The following DERA variants were observed in gnomAD, a reference collection of about 807,000 sequenced individuals.
The protein encoded by DERA is deoxyribose-phosphate aldolase, also known as 2-deoxy-D-ribose 5-phosphate aldolase.
Under a neutral mutation model 41.1 loss-of-function variants are expected in DERA, and 15 were observed. The ratio of observed to expected loss-of-function variants is 0.37; its 90% CI spans 0.24 to 0.56. DERA has a LOEUF of 0.56. Ranked by LOEUF, DERA falls within the 20% of genes least tolerant of loss-of-function variation. The pLI is 0.81. For missense variants in DERA, 396 were observed against 403.4 expected (o/e 0.98, Z 0.16); for synonymous variants, 139 against 137.4 (o/e 1.01, Z -0.08).
At chr12:15,947,425 C>T (rs530479783) in intron 1 of DERA, among the ~76,000 whole-genome samples, 12 of 152,260 alleles carry the variant, frequency 7.9e-5, no homozygotes, top group African/African-American at 2.6e-4. Context: ...GGGTAGTTAG[C>T]TCTTCTTGTT....
chr12:15,959,422 C>T lies in DERA; in HGVS notation c.278-407C>T, dbSNP rs944823279. Among the ~76,000 whole-genome samples, 1 of 152,118 alleles carries T rather than the reference C, an allele frequency of 6.6e-6. No individual in the cohort carries two copies. The highest frequency in any genetic ancestry group is 1.5e-5 in the Non-Finnish European group (1 of 68,010). On this transcript the variant is annotated intron_variant, in intron 3 of 8. Transcript: ENST00000428559. The surrounding 1 kb of genome is among the most constrained non-coding windows in gnomAD (Gnocchi z 4.5). The stretch of plus-strand genomic sequence containing the variant: ...TTGTGGTACCACCCTCTAAATTGTA[C>T]TTATATTTGTCTTCATCTGTCCTTC...
At position 16,010,279 on chromosome 12, in the gene DERA, T is replaced by A. The variant is rs1235635104; in HGVS notation, c.638-22263T>A. 1.3e-5 allele frequency among the ~76,000 whole-genome samples: 2 copies of A among 152,214 alleles called. No individual in the cohort carries two copies. The highest frequency in any genetic ancestry group is 2.9e-5 in the Non-Finnish European group (2 of 68,040). On this transcript the variant is annotated intron_variant, in intron 6 of 8. Transcript: ENST00000428559. The surrounding 1 kb of genome is among the most constrained non-coding windows in gnomAD (Gnocchi z 5.5). ...TGCATGCTTAGTATTAATGCATGAC[T>A]TCTGCAGAGTCTAGGTCAGGACCAT...
At position 15,956,709 on chromosome 12, in the gene DERA, T is replaced by C. The variant is rs1258950990; in HGVS notation, c.32-227T>C. On this transcript the variant is annotated intron_variant, in intron 1 of 8. Transcript: ENST00000428559. Reference sequence around the variant, plus strand: ...TAGGCTGGTACAGAAGCAATTGTGGTTTTTGCCTTTGAAAGTAATGGAGTG... The same window carrying C: ...TAGGCTGGTACAGAAGCAATTGTGGCTTTTGCCTTTGAAAGTAATGGAGTG... 20 of 586,752 alleles carry C rather than the reference T, an allele frequency of 3.4e-5. No individual in the cohort carries two copies. In the Admixed American group the frequency reaches 4.3e-4, roughly 12 times the overall value. The allele number at this position is 586,752 out of a possible 1,614,324, so 36.3% of individuals were successfully genotyped here. A position where few individuals can be genotyped will look rare whatever the true frequency, so the allele number is the denominator to read the frequency against.
At chr12:15,952,803 A>G (rs1948508484) in intron 1 of DERA, among the ~76,000 whole-genome samples, 1 of 152,244 alleles carries the variant, frequency 6.6e-6, no homozygotes, top group South Asian at 2.1e-4. Context: ...CCTGGTGCTT[A>G]CAGCACTTTA....
At chr12:15,974,825 TC>T (rs1948686505) in intron 5 of DERA, among the ~76,000 whole-genome samples, 2 of 152,152 alleles carry the variant, frequency 1.3e-5, no homozygotes, top group African/African-American at 4.8e-5. Flanking sequence ...CATTACCAAA[TC>T]TGGGCATGAT....
intron 6 of DERA, among the ~76,000 whole-genome samples, chr12:16,025,431 G>A (rs1462851565): frequency 6.6e-6 from 1 of 152,008 alleles, no homozygotes; most frequent in Non-Finnish European, 1.5e-5. Context: ...GCGGACTTCA[G>A]AAAAAGGAAC....
At chr12:15,927,053 A>G (rs747246562) in intron 1 of DERA, among the ~76,000 whole-genome samples, 7 of 152,236 alleles carry the variant, frequency 4.6e-5, no homozygotes, top group African/African-American at 7.2e-5. Context: ...ACTATCTGCT[A>G]TGTCTATCAT....
chr12:15,977,562 C>G (rs1355077030), intron 5 of DERA, among the ~76,000 whole-genome samples: 1 of 152,234 alleles, frequency 6.6e-6, no homozygotes, highest in Non-Finnish European at 1.5e-5. Context: ...AAGTGATTCT[C>G]CTGCCTCAGC....
At position 16,012,710 on chromosome 12, in the gene DERA, T is replaced by C. The variant is rs891167209; in HGVS notation, c.638-19832T>C. Among the ~76,000 whole-genome samples the C allele has an allele frequency of 6.6e-6, 1 of 152,182 alleles. No homozygotes were observed. Among genetic ancestry groups the C allele is most frequent in the African/African-American group, 2.4e-5 (1 of 41,444 alleles). On this transcript the variant is annotated intron_variant, in intron 6 of 8. Transcript: ENST00000428559. The surrounding 1 kb of genome is among the most constrained non-coding windows in gnomAD (Gnocchi z 4.1). ...GATATTGGTGTAAAATGGTGTCAAA[T>C]TGTTAACCTACAGAGTGATTACATG...
intron 1 of DERA, among the ~76,000 whole-genome samples, chr12:15,942,806 G>A (rs924403138): frequency 4.6e-5 from 7 of 152,336 alleles, no homozygotes; most frequent in African/African-American, 7.2e-5. Context: ...GCTGGAGACC[G>A]TGAGAGAAGA....
intron 1 of DERA, among the ~76,000 whole-genome samples, chr12:15,949,845 T>C (rs1948483764): frequency 6.6e-6 from 1 of 152,194 alleles, no homozygotes. Flanking sequence ...TGGAACCACC[T>C]ACCTGTTTCT....
intron 6 of DERA, among the ~76,000 whole-genome samples, chr12:15,997,655 C>G (rs918947421): frequency 1.5e-4 from 23 of 152,020 alleles, no homozygotes; most frequent in Non-Finnish European, 2.9e-5. Flanking sequence ...ACTTTTTTCT[C>G]TTTTTAAATT....
At chr12:15,946,303 C>G (rs372794433) in intron 1 of DERA, among the ~76,000 whole-genome samples, 2 of 152,056 alleles carry the variant, frequency 1.3e-5, no homozygotes, top group Non-Finnish European at 2.9e-5. Context: ...AGAAGGAATG[C>G]TACCAGCTCC....
At chr12:15,961,714 T>C (rs989692175) in intron 4 of DERA, among the ~76,000 whole-genome samples, 1 of 152,206 alleles carries the variant, frequency 6.6e-6, no homozygotes, top group Non-Finnish European at 1.5e-5. Flanking sequence ...GAAACATGCT[T>C]TCCTCTAAGG....
chr12:15,915,342 T>G lies in DERA; in HGVS notation c.31+3928T>G, dbSNP rs1739260253. Among the ~76,000 whole-genome samples, 1 of 152,242 alleles carries G rather than the reference T, an allele frequency of 6.6e-6. No individual in the cohort carries two copies. Among genetic ancestry groups the G allele is most frequent in the African/African-American group, 2.4e-5 (1 of 41,468 alleles). On this transcript the variant is annotated intron_variant, in intron 1 of 8. Coordinates refer to ENST00000428559, the MANE Select transcript of DERA (RefSeq NM_015954.4). The surrounding 1 kb of genome is among the most constrained non-coding windows in gnomAD (Gnocchi z 4.8). ...GAATTAGGGATTTAGGGAGCTCATT[T>G]TTGGCATTCCTGCTAAAGTATAACT...
At chr12:15,951,930 C>G (rs1303688114) in intron 1 of DERA, among the ~76,000 whole-genome samples, 1 of 150,218 alleles carries the variant, frequency 6.7e-6, no homozygotes, top group African/African-American at 2.5e-5. Context: ...GAGACGGAGT[C>G]TTGCTCTGTT....
chr12:15,957,406 G>A lies in DERA; in HGVS notation c.129+373G>A, dbSNP rs1166524044. Among the ~76,000 whole-genome samples, 1 of 152,084 alleles carries A rather than the reference G, an allele frequency of 6.6e-6. No individual in the cohort carries two copies. The highest frequency in any genetic ancestry group is 2.4e-5 in the African/African-American group (1 of 41,394). On this transcript the variant is annotated intron_variant, in intron 2 of 8. Transcript: ENST00000428559. The surrounding 1 kb of genome is among the most constrained non-coding windows in gnomAD (Gnocchi z 4.8). ...CTAAACTTGATGTGTCCACTGTTGA[G>A]GCCCTTAGGTATAAGAGTTGACCTT... is the stretch of plus-strand genomic sequence containing the variant.
intron 1 of DERA, among the ~76,000 whole-genome samples, chr12:15,947,745 G>A (rs1177182872): frequency 2.6e-5 from 4 of 152,252 alleles, no homozygotes; most frequent in Non-Finnish European, 4.4e-5. Flanking sequence ...ATTTGATCCC[G>A]TCATTATGAT....
Position 16,017,345 on chromosome 12 carries a change from T to C in DERA, c.638-15197T>C, listed in dbSNP as rs986252668. Among the ~76,000 whole-genome samples the C allele has an allele frequency of 2.0e-5, 3 of 152,230 alleles. No individual in the cohort carries two copies. The highest frequency in any genetic ancestry group is 4.4e-5 in the Non-Finnish European group (3 of 68,038). The stretch of plus-strand genomic sequence containing the variant: ...ACTGGACCGACAGAGAATTACTCTG[T>C]AGCTCACTATTCAGATTGGAAGAAA... On this transcript the variant is annotated intron_variant, in intron 6 of 8. Coordinates refer to ENST00000428559, the MANE Select transcript of DERA (RefSeq NM_015954.4). The surrounding 1 kb of genome is among the most constrained non-coding windows in gnomAD (Gnocchi z 5.5).
Sources: allele counts gnomAD v4.1 joint callset (sites outside exome capture counted in the v4.1 genomes callset), GRCh38; gene constraint gnomAD v4.1.1; non-coding constraint Gnocchi (gnomAD v3.1); transcripts MANE v1.5; gene names NCBI Gene and HGNC (gene_info 2026-07-23, HGNC 2026-07-21).